Variants in DNAL4 observed in about 807,000 individuals in gnomAD.
DNAL4 encodes dynein light chain, outer arm 4.
In DNAL4, 10 loss-of-function variants were observed where a neutral mutation model predicts 12.6. The ratio of observed to expected loss-of-function variants is 0.79; its 90% CI spans 0.49 to 1.34. DNAL4 has a LOEUF of 1.34. DNAL4 is among the 40% of genes most tolerant of loss of function. The probability of loss-of-function intolerance (pLI) is 0.00; values close to 1 mark genes in which losing one functional copy is unlikely to be tolerated. For synonymous variants in DNAL4, 46 were observed against 53.1 expected, an observed-to-expected ratio of 0.87 and a Z score of 0.58; for missense variants, 128 against 138.1, an observed-to-expected ratio of 0.93 and a Z score of 0.37.
chr22:38,789,316 A>G (rs1281989359), intron 1 of DNAL4, among the ~76,000 whole-genome samples: 1 of 151,712 alleles, frequency 6.6e-6, no homozygotes, highest in African/African-American at 2.4e-5. Context: ...CCCAGGCTGG[A>G]GTGCGGTGGC....
intron 3 of DNAL4, among the ~76,000 whole-genome samples, chr22:38,780,136 A>C (rs1396902855): frequency 6.6e-6 from 1 of 152,082 alleles, no homozygotes; most frequent in East Asian, 1.9e-4. Context: ...CTGTGTGAGG[A>C]GGTCTAGAGG....
intron 1 of DNAL4, among the ~76,000 whole-genome samples, chr22:38,786,500 G>A (rs373041509): frequency 1.9e-4 from 29 of 152,242 alleles, no homozygotes; most frequent in African/African-American, 5.8e-4. Context: ...CAGAGATTGC[G>A]GTGAGCCAAG....
chr22:38,792,887 C>T (rs1042029050), intron 1 of DNAL4, among the ~76,000 whole-genome samples: 31 of 152,164 alleles, frequency 2.0e-4, no homozygotes, highest in African/African-American at 7.2e-4. Flanking sequence ...ATAGTAAACA[C>T]ATAAACAAGT....
chr22:38,788,716 G>A (rs1299228495), intron 1 of DNAL4, among the ~76,000 whole-genome samples: 12 of 152,084 alleles, frequency 7.9e-5, no homozygotes, highest in Admixed American at 7.9e-4. Context: ...CAGCAGGGCA[G>A]GCTCCCGCCC....
intron 1 of DNAL4, among the ~76,000 whole-genome samples, chr22:38,787,251 T>C (rs1254273482): frequency 7.2e-5 from 11 of 151,802 alleles, no homozygotes; most frequent in Non-Finnish European, 1.2e-4. Flanking sequence ...TTTCTTTTTT[T>C]TTTTTTTGAG....
At chr22:38,787,692 C>CT (rs2093044604) in intron 1 of DNAL4, among the ~76,000 whole-genome samples, 2 of 152,254 alleles carry the variant, frequency 1.3e-5, no homozygotes, top group South Asian at 4.1e-4. Flanking sequence ...CAAGTTCCCA[C>CT]TATGTGCAAA....
chr22:38,790,694 G>A lies in DNAL4; in HGVS notation c.-140+3374C>T, dbSNP rs149981352. On this transcript the variant is annotated intron_variant, in intron 1 of 3. Transcript: ENST00000216068. The stretch of plus-strand genomic sequence containing the variant: ...GGGCATGTTCTGAGAATCGTTAGGC[G>A]ATTTTGTTGTGTGAATGTCATAGAG... 1.8e-3 allele frequency among the ~76,000 whole-genome samples: 280 copies of A among 152,230 alleles called. 1 individual carries two copies. Among genetic ancestry groups the A allele is most frequent in the Middle Eastern group, 0.01 (3 of 294 alleles).
At chr22:38,790,047 G>T (rs1462594019) in intron 1 of DNAL4, among the ~76,000 whole-genome samples, 1 of 151,790 alleles carries the variant, frequency 6.6e-6, no homozygotes, top group Non-Finnish European at 1.5e-5. Context: ...TAGACATGGG[G>T]TCTCTATGTT....
At chr22:38,790,881 C>A (rs941493905) in intron 1 of DNAL4, among the ~76,000 whole-genome samples, 4 of 152,126 alleles carry the variant, frequency 2.6e-5, no homozygotes, top group Non-Finnish European at 5.9e-5. Context: ...AGAAAAAGTA[C>A]AGTTGGCCGG....
chr22:38,779,376 G>T lies in DNAL4; in HGVS notation c.*73C>A, dbSNP rs1280196007. ...ACTCTCCTTGGAAAAACCAGGACCT[G>T]CCTAGGGCTGCTCCCCACCCCAGAT... On this transcript the variant is annotated 3_prime_UTR_variant, in exon 4 of 4. Transcript: ENST00000216068. This position sits in a 1 kb window ranked among gnomAD's most constrained non-coding sequence, Gnocchi z 4.3. The T allele has an allele frequency of 6.7e-7, 1 of 1,499,428 alleles. No homozygotes were observed. Among genetic ancestry groups the T allele is most frequent in the East Asian group, 2.5e-5 (1 of 40,410 alleles). The allele number at this position is 1,499,428 out of a possible 1,614,324, so 92.9% of individuals were successfully genotyped here.
At chr22:38,784,596 C>T (rs1285224023) in intron 1 of DNAL4, among the ~76,000 whole-genome samples, 1 of 151,898 alleles carries the variant, frequency 6.6e-6, no homozygotes, top group Non-Finnish European at 1.5e-5. Context: ...CTGCAAGCTC[C>T]GCTTCCCAGG....
chr22:38,784,921 C>T (rs537854661), intron 1 of DNAL4, among the ~76,000 whole-genome samples: 2 of 151,942 alleles, frequency 1.3e-5, no homozygotes, highest in East Asian at 1.9e-4. Context: ...TCCAATGACT[C>T]GGTGCCACTC....
At chr22:38,789,989 G>A (rs950757136) in intron 1 of DNAL4, among the ~76,000 whole-genome samples, 1 of 152,184 alleles carries the variant, frequency 6.6e-6, no homozygotes, top group Non-Finnish European at 1.5e-5. Flanking sequence ...CTGGGGTTGG[G>A]CTGTGGACGT....
chr22:38,788,128 T>C (rs1378741992), intron 1 of DNAL4, among the ~76,000 whole-genome samples: 1 of 152,122 alleles, frequency 6.6e-6, no homozygotes, highest in Non-Finnish European at 1.5e-5. Flanking sequence ...CTTGGCCTTC[T>C]AGCGAACAAA....
rs895863990 is a variant in DNAL4, at chr22:38,782,093, G to C, written c.69+570C>G. ...CACTGTGGCTGGCCAGGCCTGTAGGGTCTGGCCCCACTGGTGCTGTTATGT... is the reference window on the plus strand; with the variant it reads ...CACTGTGGCTGGCCAGGCCTGTAGGCTCTGGCCCCACTGGTGCTGTTATGT... On this transcript the variant is annotated intron_variant, in intron 2 of 3. Transcript: ENST00000216068. The surrounding 1 kb of genome is among the most constrained non-coding windows in gnomAD (Gnocchi z 5.1). Among the ~76,000 whole-genome samples the C allele has an allele frequency of 6.6e-6, 1 of 152,194 alleles. No individual in the cohort carries two copies. The highest frequency in any genetic ancestry group is 2.4e-5 in the African/African-American group (1 of 41,442).
At chr22:38,789,734 A>C (rs1179350935) in intron 1 of DNAL4, among the ~76,000 whole-genome samples, 4 of 152,180 alleles carry the variant, frequency 2.6e-5, no homozygotes, top group East Asian at 1.9e-4. Flanking sequence ...GCATACTTGC[A>C]GTGGTGAGGA....
intron 1 of DNAL4, among the ~76,000 whole-genome samples, chr22:38,791,439 C>T (rs1441536473): frequency 1.3e-5 from 2 of 151,964 alleles, no homozygotes; most frequent in Non-Finnish European, 2.9e-5. Flanking sequence ...CTGCAACCTC[C>T]GCCGCCTGGG....
chr22:38,784,980 C>G (rs1272783263), intron 1 of DNAL4, among the ~76,000 whole-genome samples: 1 of 150,174 alleles, frequency 6.7e-6, no homozygotes. Flanking sequence ...CACAGACCCC[C>G]CCCCCCATCC....
At chr22:38,793,828 T>G (rs1603241005) in intron 1 of DNAL4, among the ~76,000 whole-genome samples, 1 of 108,024 alleles carries the variant, frequency 9.3e-6, no homozygotes, top group Admixed American at 1.1e-4. Flanking sequence ...CTTGGGTGGG[T>G]GGGGAAGAGC....
Sources: allele counts gnomAD v4.1 joint callset (sites outside exome capture counted in the v4.1 genomes callset), GRCh38; gene constraint gnomAD v4.1.1; non-coding constraint Gnocchi (gnomAD v3.1); transcripts MANE v1.5; gene names NCBI Gene and HGNC (gene_info 2026-07-23, HGNC 2026-07-21).